CPE: variants seen among roughly 807,000 people sequenced by gnomAD.
CPE encodes the protein carbocypeptidase E.
CPE carries 17 observed loss-of-function variants against 53.5 expected under a neutral mutation model. The observed-to-expected ratio is 0.32, with a 90% CI of 0.22 to 0.48. The LOEUF (loss-of-function observed/expected upper bound fraction) is 0.48, where lower values mean the gene tolerates loss of function less well. Ranked by LOEUF, CPE falls within the 20% of genes least tolerant of loss-of-function variation. CPE has a pLI of 0.99. For synonymous variants in CPE, 226 were observed against 228.8 expected (o/e 0.99, Z 0.11); for missense variants, 524 against 614.7 (o/e 0.85, Z 1.56).
At chr4:165,476,190 G>A (rs1323368048) in intron 3 of CPE, among the ~76,000 whole-genome samples, 1 of 152,176 alleles carries the variant, frequency 6.6e-6, no homozygotes, top group East Asian at 1.9e-4. Flanking sequence ...AGGAATAAAA[G>A]GAAGTAAAGT....
chr4:165,400,433 C>T (rs1730847895), intron 1 of CPE, among the ~76,000 whole-genome samples: 1 of 152,038 alleles, frequency 6.6e-6, no homozygotes, highest in Non-Finnish European at 1.5e-5. Context: ...AAGAAAGAGG[C>T]AGTAGGTATG....
At chr4:165,425,535 T>G (rs898072415) in intron 1 of CPE, among the ~76,000 whole-genome samples, 4 of 152,166 alleles carry the variant, frequency 2.6e-5, no homozygotes, top group African/African-American at 9.7e-5. Context: ...CCTGCCCAGT[T>G]TTTAGTTGGA....
At chr4:165,434,113 A>G (rs548574295) in intron 1 of CPE, among the ~76,000 whole-genome samples, 245 of 97,586 alleles carry the variant, frequency 2.5e-3, no homozygotes, top group African/African-American at 8.4e-3. Flanking sequence ...TACTAGATCC[A>G]TACTTTTTTT....
At position 165,493,287 on chromosome 4, in the gene CPE, A is replaced by C; in HGVS notation, c.1213+17A>C. 1.3e-6 allele frequency: 2 copies of C among 1,538,094 alleles called. No homozygotes were observed. The highest frequency in any genetic ancestry group is 1.8e-6 in the Non-Finnish European group (2 of 1,111,074). On this transcript the variant is annotated intron_variant, in intron 7 of 8. Coordinates refer to ENST00000402744, the MANE Select transcript of CPE (RefSeq NM_001873.4). ...TTACATCCGGTGGGTCTTTGCCACA[A>C]TTGGAGGCTCTACGTTATGTACAAG...
At chr4:165,431,911 AACAAG>A (rs1245710283) in intron 1 of CPE, among the ~76,000 whole-genome samples, 1 of 152,206 alleles carries the variant, frequency 6.6e-6, no homozygotes, top group Non-Finnish European at 1.5e-5. Flanking sequence ...GAACATAGGT[AACAAG>A]ACAAGAGAGA....
intron 1 of CPE, among the ~76,000 whole-genome samples, chr4:165,446,177 A>G (rs1170724935): frequency 6.6e-6 from 1 of 152,164 alleles, no homozygotes; most frequent in Non-Finnish European, 1.5e-5. Flanking sequence ...GTTTTTCTTT[A>G]AAAACAGGAA....
chr4:165,402,523 T>A (rs1337059828), intron 1 of CPE, among the ~76,000 whole-genome samples: 1 of 152,212 alleles, frequency 6.6e-6, no homozygotes, highest in Non-Finnish European at 1.5e-5. Flanking sequence ...CTTGAATGAC[T>A]TGACACTATC....
chr4:165,441,866 T>C, intron 1 of CPE, among the ~76,000 whole-genome samples: 1 of 152,160 alleles, frequency 6.6e-6, no homozygotes, highest in East Asian at 1.9e-4. Context: ...CTGATTATCT[T>C]TTTGGCTGGT....
chr4:165,469,608 G>C (rs1732168290), intron 3 of CPE, among the ~76,000 whole-genome samples: 1 of 152,164 alleles, frequency 6.6e-6, no homozygotes, highest in Admixed American at 6.6e-5. Context: ...CTTCAAGACA[G>C]ATTCTTTTTT....
At chr4:165,422,908 C>A (rs978861499) in intron 1 of CPE, among the ~76,000 whole-genome samples, 1 of 139,506 alleles carries the variant, frequency 7.2e-6, no homozygotes, top group African/African-American at 2.7e-5. Context: ...ACTCGGGAGG[C>A]GGAGCTTGCA....
chr4:165,451,437 C>T (rs1454493379), intron 1 of CPE, among the ~76,000 whole-genome samples: 1 of 152,140 alleles, frequency 6.6e-6, no homozygotes, highest in East Asian at 1.9e-4. Flanking sequence ...CTGTGTATTT[C>T]ACCTGTAATC....
At chr4:165,392,851 A>G (rs1425537823) in intron 1 of CPE, among the ~76,000 whole-genome samples, 1 of 148,364 alleles carries the variant, frequency 6.7e-6, no homozygotes, top group Non-Finnish European at 1.5e-5. Flanking sequence ...TCTGGCACAT[A>G]TATAGTCTGT....
intron 1 of CPE, among the ~76,000 whole-genome samples, chr4:165,415,839 A>G (rs543881964): frequency 6.6e-6 from 1 of 152,146 alleles, no homozygotes; most frequent in African/African-American, 2.4e-5. Flanking sequence ...TCACATATAT[A>G]GAAGTCCTGT....
At chr4:165,421,172 A>G (rs1230923741) in intron 1 of CPE, among the ~76,000 whole-genome samples, 2 of 152,224 alleles carry the variant, frequency 1.3e-5, no homozygotes, top group African/African-American at 4.8e-5. Flanking sequence ...GGCTGATCCA[A>G]TAGCAAGACA....
At chr4:165,485,580 C>T (rs1157203164) in intron 5 of CPE, among the ~76,000 whole-genome samples, 1 of 152,070 alleles carries the variant, frequency 6.6e-6, no homozygotes, top group Non-Finnish European at 1.5e-5. Context: ...GGATTTAGAG[C>T]ATGTCTAGTA....
chr4:165,404,591 T>C, intron 1 of CPE: 6 of 1,087,886 alleles, frequency 5.5e-6, no homozygotes, highest in Non-Finnish European at 8.6e-6. Flanking sequence ...GCCAACTTCA[T>C]CCACCAGTGT....
At chr4:165,404,525 A>G in intron 1 of CPE, 1 of 853,830 alleles carries the variant, frequency 1.2e-6, no homozygotes, top group Non-Finnish European at 2.1e-6. Context: ...TCCACCTCCA[A>G]ACTGCTCCCC....
chr4:165,387,769 C>T (rs1490100814), intron 1 of CPE, among the ~76,000 whole-genome samples: 4 of 152,176 alleles, frequency 2.6e-5, no homozygotes, highest in East Asian at 3.9e-4. Flanking sequence ...GATCGCACCA[C>T]TGCACTCCAG....
chr4:165,442,932 C>T (rs980644580), intron 1 of CPE, among the ~76,000 whole-genome samples: 5 of 152,158 alleles, frequency 3.3e-5, no homozygotes. Context: ...ATTCAGAACC[C>T]ATGATCTAGG....
Sources: allele counts gnomAD v4.1 joint callset (sites outside exome capture counted in the v4.1 genomes callset), GRCh38; gene constraint gnomAD v4.1.1; transcripts MANE v1.5; gene names NCBI Gene and HGNC (gene_info 2026-07-23, HGNC 2026-07-21).